The following NAALADL2 variants were observed in gnomAD, a reference collection of about 807,000 sequenced individuals.
NAALADL2 encodes inactive N-acetylated-alpha-linked acidic dipeptidase-like protein 2.
NAALADL2 carries 76 observed loss-of-function variants against 87.2 expected under a neutral mutation model. The observed-to-expected ratio is 0.87, with a 90% CI of 0.72 to 1.05. The LOEUF (loss-of-function observed/expected upper bound fraction) is 1.05, where lower values mean the gene tolerates loss of function less well. NAALADL2 is among the 50% of genes least tolerant of loss of function. NAALADL2 has a pLI of 0.00. For synonymous variants in NAALADL2, 354 were observed against 331.0 expected, an observed-to-expected ratio of 1.07 and a Z score of -0.75; for missense variants, 1,089 against 945.8, an observed-to-expected ratio of 1.15 and a Z score of -1.99.
intron 6 of NAALADL2, among the ~76,000 whole-genome samples, chr3:175,462,346 G>A (rs893845599): frequency 6.6e-6 from 1 of 152,022 alleles, no homozygotes; most frequent in Non-Finnish European, 1.5e-5. Flanking sequence ...GATAGATAAG[G>A]CACTCAGGCA....
chr3:174,939,687 AAT>A (rs1239159436), intron 1 of NAALADL2, among the ~76,000 whole-genome samples: 1 of 151,882 alleles, frequency 6.6e-6, no homozygotes, highest in Non-Finnish European at 1.5e-5. Flanking sequence ...TTCTTTGAGC[AAT>A]GTTTTATAAT....
chr3:175,675,199 T>TA (rs1304320161), intron 11 of NAALADL2: 3 of 152,226 alleles, frequency 2.0e-5, no homozygotes, highest in Admixed American at 1.3e-4. Context: ...TCCTTATTAT[T>TA]GAATGTTATC....
chr3:174,850,099 T>C (rs1489206353), intron 3 of NAALADL2, among the ~76,000 whole-genome samples: 2 of 152,168 alleles, frequency 1.3e-5, no homozygotes, highest in Admixed American at 1.3e-4. Flanking sequence ...GTTTATAAAA[T>C]ACCTCAGCTT....
intron 4 of NAALADL2, among the ~76,000 whole-genome samples, chr3:175,257,719 A>G (rs1020577069): frequency 6.6e-6 from 1 of 152,182 alleles, no homozygotes; most frequent in African/African-American, 2.4e-5. Flanking sequence ...TGAATATGCT[A>G]TAACAATTTG....
chr3:175,338,765 C>T (rs989712079), intron 5 of NAALADL2, among the ~76,000 whole-genome samples: 9 of 151,848 alleles, frequency 5.9e-5, no homozygotes, highest in African/African-American at 2.2e-4. Context: ...GCAAGAGTTC[C>T]TTGAGTTTCC....
intron 2 of NAALADL2, among the ~76,000 whole-genome samples, chr3:174,709,056 A>G (rs1480362397): frequency 6.6e-6 from 1 of 152,132 alleles, no homozygotes; most frequent in Non-Finnish European, 1.5e-5. Flanking sequence ...TTCATAATAT[A>G]GGTACAACAT....
chr3:175,223,448 A>G (rs752655139), intron 2 of NAALADL2, among the ~76,000 whole-genome samples: 1 of 151,662 alleles, frequency 6.6e-6, no homozygotes, highest in Non-Finnish European at 1.5e-5. Context: ...CCATATTGTT[A>G]CAAATGGCAA....
intron 3 of NAALADL2, among the ~76,000 whole-genome samples, chr3:174,836,435 T>C (rs1400075739): frequency 1.3e-5 from 2 of 152,090 alleles, no homozygotes; most frequent in African/African-American, 4.8e-5. Context: ...CTTAATAATA[T>C]TGAACTCTGC....
chr3:175,375,399 T>C (rs1224215213), intron 5 of NAALADL2, among the ~76,000 whole-genome samples: 2 of 152,170 alleles, frequency 1.3e-5, no homozygotes, highest in Non-Finnish European at 2.9e-5. Context: ...ATTAGCAGTG[T>C]TGTGTCTGCC....
intron 3 of NAALADL2, among the ~76,000 whole-genome samples, chr3:174,800,797 G>A (rs1220605983): frequency 6.6e-6 from 1 of 152,206 alleles, no homozygotes; most frequent in East Asian, 1.9e-4. Context: ...CAAGACCATG[G>A]GAAGCCACTT....
intron 2 of NAALADL2, among the ~76,000 whole-genome samples, chr3:174,600,250 G>C (rs1718307026): frequency 6.6e-6 from 1 of 152,050 alleles, no homozygotes. Flanking sequence ...GTTGTGCTCA[G>C]AGCTTTTCAA....
chr3:175,206,376 T>G (rs769317727), intron 2 of NAALADL2, among the ~76,000 whole-genome samples: 12 of 149,628 alleles, frequency 8.0e-5, no homozygotes, highest in Non-Finnish European at 1.5e-4. Context: ...TGGAATACTA[T>G]TCAGCCATAA....
chr3:175,163,300 A>T (rs1232844958), intron 2 of NAALADL2, among the ~76,000 whole-genome samples: 2 of 152,130 alleles, frequency 1.3e-5, no homozygotes, highest in Non-Finnish European at 2.9e-5. Context: ...TTACATCCAG[A>T]TTGTATAAAC....
rs546002481 is a variant in NAALADL2, at chr3:175,237,471, G to A, written c.819+3267G>A. Among the ~76,000 whole-genome samples the A allele has an allele frequency of 3.9e-5, 6 of 152,076 alleles. No homozygotes were observed. In the South Asian group the frequency reaches 1.2e-3, roughly 32 times the overall value. On this transcript the variant is annotated intron_variant, in intron 3 of 13. Coordinates refer to ENST00000454872, the MANE Select transcript of NAALADL2 (RefSeq NM_207015.3). ...AAATGTGAATTCGCAGGATACCGAT[G>A]GTGTTCTCCACCCCCAGCCTCTCTC... is the stretch of plus-strand genomic sequence containing the variant.
intron 1 of NAALADL2, among the ~76,000 whole-genome samples, chr3:174,446,689 G>C (rs1371671586): frequency 2.6e-5 from 4 of 152,094 alleles, no homozygotes; most frequent in Admixed American, 2.0e-4. Context: ...GTCTCCACCT[G>C]GGGGCAGGGG....
At chr3:175,572,105 A>G (rs1413988846) in intron 9 of NAALADL2, among the ~76,000 whole-genome samples, 1 of 152,166 alleles carries the variant, frequency 6.6e-6, no homozygotes, top group African/African-American at 2.4e-5. Context: ...TGGGTTCAGT[A>G]GGTGAGAAAC....
intron 1 of NAALADL2, among the ~76,000 whole-genome samples, chr3:175,045,419 A>G (rs556146877): frequency 1.3e-5 from 2 of 152,204 alleles, no homozygotes; most frequent in South Asian, 4.2e-4. Flanking sequence ...TCTTTTCTCA[A>G]AATATGGGGA....
Position 175,138,887 on chromosome 3 carries a change from AATATATATATAT to A in NAALADL2, c.545+41623_545+41634del, listed in dbSNP as rs58824117. 8.9e-3 allele frequency among the ~76,000 whole-genome samples: 846 copies of A among 95,430 alleles called. 23 individuals carry two copies. Among genetic ancestry groups the A allele is most frequent in the African/African-American group, 0.042 (776 of 18,344 alleles). The allele number at this position is 95,430 out of a possible 152,430, so 62.6% of individuals were successfully genotyped here. ...CAGAAAAAAAATTTCAGCCTTTTAA[AATATATATATAT>A]ATATATATATATATATATATATATA... is the stretch of plus-strand genomic sequence containing the variant. On this transcript the variant is annotated intron_variant, in intron 2 of 13. Coordinates refer to ENST00000454872, the MANE Select transcript of NAALADL2 (RefSeq NM_207015.3).
At chr3:175,629,296 A>T (rs922884905) in intron 11 of NAALADL2, among the ~76,000 whole-genome samples, 1 of 148,954 alleles carries the variant, frequency 6.7e-6, no homozygotes, top group Non-Finnish European at 1.5e-5. Flanking sequence ...ATACACGCAG[A>T]CACACATAGA....
Sources: allele counts gnomAD v4.1 joint callset (sites outside exome capture counted in the v4.1 genomes callset), GRCh38; gene constraint gnomAD v4.1.1; transcripts MANE v1.5; gene names NCBI Gene and HGNC (gene_info 2026-07-23, HGNC 2026-07-21).